RIT2: variants seen among roughly 807,000 people sequenced by gnomAD.
The protein encoded by RIT2 is GTP-binding protein Rit2.
Under a neutral mutation model 23.7 loss-of-function variants are expected in RIT2, and 24 were observed. The observed-to-expected ratio is 1.01, with a 90% confidence interval of 0.73 to 1.43. The LOEUF is 1.43. RIT2 is among the 40% of genes most tolerant of loss of function. The pLI, the probability that RIT2 is intolerant of heterozygous loss-of-function variation, is 0.00. For missense variants in RIT2, 236 were observed against 266.9 expected, an observed-to-expected ratio of 0.88 and a Z score of 0.81; for synonymous variants, 107 against 91.1, an observed-to-expected ratio of 1.17 and a Z score of -0.99.
rs142660758 is a variant in RIT2 at position 43,103,570 on chromosome 18, T to C, written c.103+11847A>G. Among the ~76,000 whole-genome samples, 1,098 of 152,264 alleles carry C rather than the reference T, an allele frequency of 7.2e-3. 16 individuals carry two copies. The highest frequency in any genetic ancestry group is 0.025 in the African/African-American group (1,043 of 41,544). ...AGTGTTATAAAGAAGAGAGAAGATATTAGACTGGAGTAGACAGGGAAGATA... is the reference window on the plus strand; with the variant it reads ...AGTGTTATAAAGAAGAGAGAAGATACTAGACTGGAGTAGACAGGGAAGATA... On this transcript the variant is annotated intron_variant, in intron 1 of 4. Transcript: ENST00000326695.
At chr18:43,093,156 A>G (rs1040726526) in intron 1 of RIT2, among the ~76,000 whole-genome samples, 2 of 152,108 alleles carry the variant, frequency 1.3e-5, no homozygotes, top group South Asian at 2.1e-4. Flanking sequence ...AAGAGCTGGA[A>G]AACATCTTGA....
At chr18:43,038,910 T>A (rs891265100) in intron 1 of RIT2, among the ~76,000 whole-genome samples, 2 of 152,270 alleles carry the variant, frequency 1.3e-5, no homozygotes, top group South Asian at 2.1e-4. Context: ...TTTTTTTTTT[T>A]ATTTCAAATT....
chr18:43,042,156 T>C (rs1238223935), intron 1 of RIT2, among the ~76,000 whole-genome samples: 2 of 152,170 alleles, frequency 1.3e-5, no homozygotes, highest in African/African-American at 4.8e-5. Context: ...GACAGGTCAC[T>C]AAGATTTAGC....
chr18:42,948,201 G>A (rs1208894552), intron 3 of RIT2, among the ~76,000 whole-genome samples: 1 of 152,038 alleles, frequency 6.6e-6, no homozygotes, highest in Non-Finnish European at 1.5e-5. Flanking sequence ...AGCGTAATGA[G>A]GAATGGAAAA....
intron 4 of RIT2, among the ~76,000 whole-genome samples, chr18:42,867,606 C>T (rs1907507477): frequency 1.4e-5 from 2 of 147,980 alleles, no homozygotes; most frequent in East Asian, 4.0e-4. Context: ...GGCAACATAA[C>T]GAGGCCCTAT....
At chr18:42,969,617 G>C (rs1763540992) in intron 3 of RIT2, among the ~76,000 whole-genome samples, 1 of 151,180 alleles carries the variant, frequency 6.6e-6, no homozygotes. Context: ...CCAGGCCAAA[G>C]CCAGGTATGG....
chr18:43,048,558 G>A (rs1331323655), intron 1 of RIT2, among the ~76,000 whole-genome samples: 1 of 152,106 alleles, frequency 6.6e-6, no homozygotes, highest in Admixed American at 6.6e-5. Context: ...CCCACTATGG[G>A]GTTGTTATGA....
intron 2 of RIT2, among the ~76,000 whole-genome samples, chr18:42,983,910 G>A (rs1279727922): frequency 6.6e-6 from 1 of 151,980 alleles, no homozygotes; most frequent in African/African-American, 2.4e-5. Context: ...CATTGCTGAT[G>A]GATACACAGA....
chr18:42,838,971 A>AAG (rs1011996360), intron 4 of RIT2, among the ~76,000 whole-genome samples: 1 of 152,170 alleles, frequency 6.6e-6, no homozygotes, highest in Non-Finnish European at 1.5e-5. Context: ...TTCCGACAAC[A>AAG]AGACGTTCAA....
At chr18:42,881,003 T>C (rs537501059) in intron 4 of RIT2, among the ~76,000 whole-genome samples, 30 of 152,052 alleles carry the variant, frequency 2.0e-4, no homozygotes, top group Admixed American at 6.6e-4. Context: ...ACAGGGTTTC[T>C]CCATGTTGGT....
intron 4 of RIT2, among the ~76,000 whole-genome samples, chr18:42,861,462 G>A (rs558238241): frequency 1.3e-5 from 2 of 152,058 alleles, no homozygotes; most frequent in Non-Finnish European, 2.9e-5. Flanking sequence ...TTGCCTTTTA[G>A]TCTCATTGGG....
intron 4 of RIT2, among the ~76,000 whole-genome samples, chr18:42,787,977 T>C (rs1020147484): frequency 6.6e-6 from 1 of 150,932 alleles, no homozygotes; most frequent in Non-Finnish European, 1.5e-5. Context: ...TAAAAATTAA[T>C]ATGAATGTTA....
At chr18:42,928,487 C>A (rs937976616) in intron 3 of RIT2, among the ~76,000 whole-genome samples, 4 of 152,046 alleles carry the variant, frequency 2.6e-5, no homozygotes, top group Non-Finnish European at 4.4e-5. Context: ...ACAAATTCAT[C>A]ATTTGCATAG....
chr18:42,750,292 A>G (rs1489635889), intron 4 of RIT2, among the ~76,000 whole-genome samples: 2 of 151,798 alleles, frequency 1.3e-5, no homozygotes. Flanking sequence ...GAGTCAGTAT[A>G]GTGTTTCTTT....
chr18:42,901,078 A>C (rs144032705), intron 4 of RIT2, among the ~76,000 whole-genome samples: 156 of 152,212 alleles, frequency 1.0e-3, no homozygotes, highest in Non-Finnish European at 1.9e-3. Flanking sequence ...ATCAAATTGA[A>C]TTAGTACTTT....
chr18:42,898,888 C>T (rs1908401753), intron 4 of RIT2, among the ~76,000 whole-genome samples: 1 of 152,128 alleles, frequency 6.6e-6, no homozygotes, highest in Non-Finnish European at 1.5e-5. Context: ...AAGAATACTA[C>T]ATAAGTGATA....
At chr18:42,790,512 G>A (rs1567996886) in intron 4 of RIT2, among the ~76,000 whole-genome samples, 2 of 152,200 alleles carry the variant, frequency 1.3e-5, no homozygotes, top group African/African-American at 4.8e-5. Context: ...GCGCCATCTC[G>A]GCTCACTGCA....
At chr18:42,832,631 T>C (rs1327737377) in intron 4 of RIT2, among the ~76,000 whole-genome samples, 1 of 152,348 alleles carries the variant, frequency 6.6e-6, no homozygotes, top group African/African-American at 2.4e-5. Context: ...GAGTAGGATA[T>C]CTGCTACCTC....
intron 1 of RIT2, among the ~76,000 whole-genome samples, chr18:43,067,252 G>T (rs763946479): frequency 2.6e-5 from 4 of 152,086 alleles, no homozygotes; most frequent in Non-Finnish European, 5.9e-5. Flanking sequence ...TATATTTCCA[G>T]CTTATTGGAT....
Sources: allele counts gnomAD v4.1 joint callset (sites outside exome capture counted in the v4.1 genomes callset), GRCh38; gene constraint gnomAD v4.1.1; transcripts MANE v1.5; gene names NCBI Gene and HGNC (gene_info 2026-07-23, HGNC 2026-07-21).